The following IL17REL variants were observed in gnomAD, a reference collection of about 807,000 sequenced individuals.
IL17REL encodes the protein interleukin-17 receptor E-like protein.
IL17REL carries 36 observed loss-of-function variants against 49.0 expected under a neutral mutation model. That is an observed-to-expected ratio of 0.73 (90% CI 0.56 to 0.97). The LOEUF (loss-of-function observed/expected upper bound fraction) is 0.97, where lower values mean the gene tolerates loss of function less well. Among genes scored for constraint, IL17REL ranks in the 50% least tolerant of loss-of-function variants. The pLI is 0.00. For missense variants in IL17REL, 470 were observed against 453.9 expected (o/e 1.04, Z -0.32); for synonymous variants, 206 against 192.4 (o/e 1.07, Z -0.58).
chr22:49,999,989 G>C, intron 4 of IL17REL, 22 bp from the exon 7 acceptor site: 4 of 1,490,250 alleles, frequency 2.7e-6, no homozygotes, highest in Non-Finnish European at 3.6e-6. Context: ...GGCAAGTCGG[G>C]GCCGCGCTGG....
rs953158377 is a variant in IL17REL at position 50,001,306 on chromosome 22, G to T, written c.-41-75C>A. 9.2e-6 allele frequency: 6 copies of T among 650,306 alleles called. No individual in the cohort carries two copies. The African/African-American group carries it at 1.1e-4, about 12-fold the overall frequency. The allele number at this position is 650,306 out of a possible 1,614,324, so 40.3% of individuals were successfully genotyped here. A position where few individuals can be genotyped will look rare whatever the true frequency, so the allele number is the denominator to read the frequency against. ...AGGCTTTGTGGGTGGTTCTGGGAAG[G>T]GGGAGAGAGCCCTGGGGCTGCAGTC... On this transcript the variant is annotated intron_variant, in intron 1 of 12. Transcript: ENST00000341280.
chr22:49,997,416 G>C, exon 11 of IL17REL: 1 of 1,613,336 alleles, frequency 6.2e-7, no homozygotes, highest in Non-Finnish European at 8.5e-7. Flanking sequence ...AGTGGGCGGG[G>C]CTGGACGAGA....
intron 10 of IL17REL, 75 bp downstream of exon 12, chr22:49,997,610 C>T (rs1347512298): frequency 6.6e-7 from 1 of 1,512,270 alleles, no homozygotes. Flanking sequence ...TATTCCACCT[C>T]CCTGACCAGC....
intron 7 of IL17REL, among the ~76,000 whole-genome samples, chr22:49,998,592 T>G (rs1041581354): frequency 2.7e-5 from 4 of 148,300 alleles, no homozygotes; most frequent in South Asian, 2.1e-4. Flanking sequence ...TGTGTGTATG[T>G]GTACGTGTTT....
At chr22:49,994,749 A>C (rs1458828495) in exon 13 of IL17REL, 1 of 152,330 alleles carries the variant, frequency 6.6e-6, no homozygotes, top group Non-Finnish European at 1.5e-5. Flanking sequence ...CCTGCACAGC[A>C]CTCAGGTGAG....
intron 9 of IL17REL, 86 bp from the exon 12 acceptor site, chr22:49,997,828 T>C: frequency 4.8e-6 from 7 of 1,472,736 alleles, no homozygotes; most frequent in Non-Finnish European, 6.6e-6. Context: ...ACAGGCTGGG[T>C]CAGCTTCAGG....
intron 10 of IL17REL, 81 bp downstream of exon 12, chr22:49,997,604 C>T: frequency 6.7e-7 from 1 of 1,496,830 alleles, no homozygotes; most frequent in Non-Finnish European, 9.3e-7. Context: ...CACCGTTATT[C>T]CACCTCCCTG....
downstream of IL17REL, among the ~76,000 whole-genome samples, chr22:49,993,166 C>A (rs2061014453): frequency 6.6e-6 from 1 of 152,166 alleles, no homozygotes; most frequent in Non-Finnish European, 1.5e-5. The surrounding 1 kb of genome is among the most constrained non-coding windows in gnomAD (Gnocchi z 6.0). Flanking sequence ...GCTGCAGGGC[C>A]CGGGATCTTT....
intron 1 of IL17REL, among the ~76,000 whole-genome samples, chr22:50,001,487 C>A (rs982073556): frequency 6.6e-6 from 1 of 152,188 alleles, no homozygotes; most frequent in Non-Finnish European, 1.5e-5. Flanking sequence ...CAGTCTGCAT[C>A]AGAGCAGTGG....
chr22:49,993,371 C>A (rs964155325), downstream of IL17REL, among the ~76,000 whole-genome samples: 1 of 152,170 alleles, frequency 6.6e-6, no homozygotes, highest in Admixed American at 6.5e-5. The surrounding 1 kb of genome is among the most constrained non-coding windows in gnomAD (Gnocchi z 6.0). Context: ...TTCTGGGGCC[C>A]GGGGTCCTCA....
At chr22:50,002,888 C>A (rs748684855) in intron 1 of IL17REL, among the ~76,000 whole-genome samples, 4 of 152,204 alleles carry the variant, frequency 2.6e-5, no homozygotes, top group Non-Finnish European at 5.9e-5. Flanking sequence ...GAAACCAAGG[C>A]AAAATCCATG....
At chr22:49,997,458 C>T (rs747509344) in intron 10 of IL17REL, 7 of 1,580,338 alleles carry the variant, frequency 4.4e-6, no homozygotes, top group Admixed American at 1.7e-5. Flanking sequence ...CCTTTGTGGG[C>T]GAAGGCTGGA....
At chr22:50,007,544 T>TGGG (rs398121907) in intron 1 of IL17REL, among the ~76,000 whole-genome samples, 1 of 150,188 alleles carries the variant, frequency 6.7e-6, no homozygotes, top group East Asian at 2.0e-4. Context: ...TTAATTTTTT[T>TGGG]GGGGGGGGGA....
chr22:50,000,471 A>C lies in IL17REL; in HGVS notation c.334+7T>G, dbSNP rs2061071146. The C allele has an allele frequency of 1.9e-6, 3 of 1,597,496 alleles. No individual in the cohort carries two copies. The highest frequency in any genetic ancestry group is 2.2e-5 in the South Asian group (2 of 90,760). ...TAGCTGTGCTCAGGGGGCCCTGGGG[A>C]CCCTACCTTCCACGAGGTGCCTCTG... On this transcript the variant is annotated splice_region_variant and intron_variant, in intron 4 of 12. Transcript: ENST00000341280.
exon 13 of IL17REL, chr22:49,995,050 T>G (rs1453578066): frequency 1.3e-5 from 2 of 152,100 alleles, no homozygotes; most frequent in Non-Finnish European, 2.9e-5. Context: ...GTGGGGCGGG[T>G]GCCCCAGTGA....
intron 1 of IL17REL, among the ~76,000 whole-genome samples, chr22:50,007,686 C>T (rs2061117596): frequency 6.6e-6 from 1 of 151,988 alleles, no homozygotes; most frequent in Admixed American, 6.6e-5. Flanking sequence ...CCATGCTTTG[C>T]ATTTGTTGTT....
chr22:50,011,708 C>G (rs574231047), upstream of IL17REL, among the ~76,000 whole-genome samples: 315 of 152,248 alleles, frequency 2.1e-3, 1 homozygote, highest in African/African-American at 7.1e-3. Flanking sequence ...TTCCTTGTTC[C>G]ACGAATGCCC....
In IL17REL at chr22:50,000,954, C is replaced by T. The variant is rs187606663; in HGVS notation, c.110-91G>A. On this transcript the variant is annotated intron_variant, in intron 2 of 12. Coordinates refer to ENST00000341280, the Ensembl canonical transcript of IL17REL. Reference sequence around the variant, plus strand: ...GTGGGACCCTGTTCCTCTGCCTTCTCTCTGTGAAGTGCGGTTAGCAGCCCC... The same window carrying T: ...GTGGGACCCTGTTCCTCTGCCTTCTTTCTGTGAAGTGCGGTTAGCAGCCCC... The T allele has an allele frequency of 2.6e-4, 336 of 1,292,294 alleles. 3 individuals carry two copies. The African/African-American group carries it at 3.6e-3, about 14-fold the overall frequency. The allele number at this position is 1,292,294 out of a possible 1,614,324, so 80.1% of individuals were successfully genotyped here. A position where few individuals can be genotyped will look rare whatever the true frequency, so the allele number is the denominator to read the frequency against.
At chr22:49,993,390 C>G (rs1186534748), downstream of IL17REL, among the ~76,000 whole-genome samples, 1 of 152,196 alleles carries the variant, frequency 6.6e-6, no homozygotes, top group East Asian at 1.9e-4. The surrounding 1 kb of genome is among the most constrained non-coding windows in gnomAD (Gnocchi z 6.0). Context: ...CAGCACTTTT[C>G]TCCTGGCAGG....
Sources: gnomAD v4.1 joint callset for allele counts (sites outside exome capture counted in the v4.1 genomes callset) on GRCh38, gnomAD v4.1.1 for gene constraint, Gnocchi (gnomAD v3.1) non-coding constraint, MANE v1.5 for transcripts, NCBI Gene and HGNC (gene_info 2026-07-23, HGNC 2026-07-21) for gene names.